The following ANTXR1 variants were observed in gnomAD, a reference collection of about 807,000 sequenced individuals.
The protein encoded by ANTXR1 is ANTXR cell adhesion molecule 1.
Under a neutral mutation model 78.1 loss-of-function variants are expected in ANTXR1, and 19 were observed. The ratio of observed to expected loss-of-function variants is 0.24; its 90% CI spans 0.17 to 0.36. ANTXR1 has a LOEUF of 0.36. ANTXR1 is among the 10% of genes least tolerant of loss of function. The pLI, the probability that ANTXR1 is intolerant of heterozygous loss-of-function variation, is 1.00. For missense variants in ANTXR1, 518 were observed against 718.6 expected, an observed-to-expected ratio of 0.72 and a Z score of 3.19; for synonymous variants, 273 against 260.5, an observed-to-expected ratio of 1.05 and a Z score of -0.46.
intron 10 of ANTXR1, among the ~76,000 whole-genome samples, chr2:69,117,850 G>C (rs1573899755): frequency 6.6e-6 from 1 of 152,176 alleles, no homozygotes; most frequent in East Asian, 1.9e-4. Flanking sequence ...TCAGATTTGA[G>C]TCGGTGTGAT....
At chr2:69,182,918 T>C (rs1674314555) in intron 16 of ANTXR1, 1 of 508,520 alleles carries the variant, frequency 2.0e-6, no homozygotes. Flanking sequence ...TGGAACAATA[T>C]AGAGAAGATT....
At chr2:69,156,647 C>A (rs1352899113) in intron 13 of ANTXR1, among the ~76,000 whole-genome samples, 1 of 152,228 alleles carries the variant, frequency 6.6e-6, no homozygotes, top group Non-Finnish European at 1.5e-5. Context: ...GGGAGCGAGG[C>A]ATCTCACATG....
At chr2:69,040,201 A>C in intron 2 of ANTXR1, 86 bp downstream of exon 2, 1 of 1,211,276 alleles carries the variant, frequency 8.3e-7, no homozygotes, top group Non-Finnish European at 1.2e-6. Context: ...TAATTACTAC[A>C]TACTTTGGGG....
chr2:69,103,124 T>A (rs1379107310), intron 10 of ANTXR1, 184 bp downstream of exon 10: 2 of 694,514 alleles, frequency 2.9e-6, no homozygotes, highest in Non-Finnish European at 2.6e-6. Context: ...AGGCACCACT[T>A]GGGTGGGCAC....
chr2:69,097,127 C>T (rs1380112338), intron 9 of ANTXR1, among the ~76,000 whole-genome samples: 2 of 152,186 alleles, frequency 1.3e-5, no homozygotes, highest in Non-Finnish European at 2.9e-5. Flanking sequence ...TAATTTAGCT[C>T]CTCTCTGGAA....
At chr2:69,154,264 C>T (rs1452650086) in intron 13 of ANTXR1, among the ~76,000 whole-genome samples, 4 of 152,114 alleles carry the variant, frequency 2.6e-5, no homozygotes, top group Middle Eastern at 3.2e-3. Flanking sequence ...CTTTGTAAGT[C>T]GTGAAGGATT....
intron 17 of ANTXR1, among the ~76,000 whole-genome samples, chr2:69,193,722 T>C (rs1324697140): frequency 1.3e-5 from 2 of 152,244 alleles, no homozygotes; most frequent in Non-Finnish European, 2.9e-5. Context: ...AGCTTCTCAA[T>C]GTATAGGCAC....
At chr2:69,028,038 T>A (rs902220756) in intron 1 of ANTXR1, among the ~76,000 whole-genome samples, 1 of 152,010 alleles carries the variant, frequency 6.6e-6, no homozygotes, top group Non-Finnish European at 1.5e-5. Context: ...TTTAAGGAAT[T>A]CTCATAATTT....
chr2:69,094,373 G>T (rs1216621063), intron 9 of ANTXR1, among the ~76,000 whole-genome samples: 2 of 152,204 alleles, frequency 1.3e-5, no homozygotes, highest in African/African-American at 2.4e-5. Flanking sequence ...GAAAATTGGG[G>T]AAGAGTATCT....
At chr2:69,200,969 T>C (rs1674759730) in intron 17 of ANTXR1, among the ~76,000 whole-genome samples, 1 of 152,068 alleles carries the variant, frequency 6.6e-6, no homozygotes, top group African/African-American at 2.4e-5. Flanking sequence ...CTTTCAGACT[T>C]GAAAGTCAAC....
At chr2:69,184,266 G>A (rs556063880) in intron 16 of ANTXR1, among the ~76,000 whole-genome samples, 5 of 152,234 alleles carry the variant, frequency 3.3e-5, no homozygotes, top group South Asian at 2.1e-4. Context: ...GAATTGCCAC[G>A]CATTTCTATT....
At chr2:69,243,195 G>T (rs2044641309) in intron 17 of ANTXR1, among the ~76,000 whole-genome samples, 1 of 152,132 alleles carries the variant, frequency 6.6e-6, no homozygotes, top group African/African-American at 2.4e-5. Context: ...TCACTTTATT[G>T]CTAAGGTTTC....
chr2:69,134,415 C>T (rs1672853931), intron 12 of ANTXR1, among the ~76,000 whole-genome samples: 1 of 152,070 alleles, frequency 6.6e-6, no homozygotes, highest in African/African-American at 2.4e-5. Context: ...TTTCTGGCTT[C>T]GTTTTTAAAA....
intron 3 of ANTXR1, among the ~76,000 whole-genome samples, chr2:69,048,817 A>G (rs73934659): frequency 0.056 from 8,594 of 152,222 alleles, 813 homozygotes; most frequent in African/African-American, 0.2. Flanking sequence ...TTCCAACCAC[A>G]TACATTTTAA....
chr2:69,176,816 T>C (rs1316208358), intron 14 of ANTXR1, among the ~76,000 whole-genome samples: 1 of 152,256 alleles, frequency 6.6e-6, no homozygotes, highest in African/African-American at 2.4e-5. Context: ...CTTTCAGTTA[T>C]GTGCTCCTTT....
intron 9 of ANTXR1, among the ~76,000 whole-genome samples, chr2:69,100,324 C>T (rs1671566338): frequency 6.6e-6 from 1 of 152,210 alleles, no homozygotes; most frequent in Non-Finnish European, 1.5e-5. Context: ...AATGTGTGCA[C>T]TAACACAGAA....
At chr2:69,016,723 G>A (rs940270506) in intron 1 of ANTXR1, among the ~76,000 whole-genome samples, 2 of 152,172 alleles carry the variant, frequency 1.3e-5, no homozygotes, top group Admixed American at 6.5e-5. Context: ...TCTCTAGCAG[G>A]TAGAATTTTA....
Position 69,245,664 on chromosome 2 carries a change from T to G in ANTXR1, c.*179T>G. On this transcript the variant is annotated 3_prime_UTR_variant, in exon 18 of 18. Coordinates refer to ENST00000303714, the MANE Select transcript of ANTXR1 (RefSeq NM_032208.3). The stretch of plus-strand genomic sequence containing the variant: ...AGCTGAAAGAAACAGATATTTTAAA[T>G]TGCCAGAAAACAAATGATGAGGCAA... 1 of 867,872 alleles carries G rather than the reference T, an allele frequency of 1.2e-6. No individual in the cohort carries two copies. The highest frequency in any genetic ancestry group is 1.8e-6 in the Non-Finnish European group (1 of 571,414). 53.8% of individuals were successfully genotyped at this position (867,872 alleles called of 1,614,324 possible). A position where few individuals can be genotyped will look rare whatever the true frequency, so the allele number is the denominator to read the frequency against.
intron 17 of ANTXR1, among the ~76,000 whole-genome samples, chr2:69,214,299 C>A (rs1330515508): frequency 1.3e-5 from 2 of 152,180 alleles, no homozygotes; most frequent in African/African-American, 2.4e-5. Flanking sequence ...GTTTGTGGGA[C>A]AAGAAGACAA....
Sources: gnomAD v4.1 joint callset for allele counts (sites outside exome capture counted in the v4.1 genomes callset) on GRCh38, gnomAD v4.1.1 for gene constraint, MANE v1.5 for transcripts, NCBI Gene and HGNC (gene_info 2026-07-23, HGNC 2026-07-21) for gene names.